ARHGAP23: variants seen among roughly 807,000 people sequenced by gnomAD.
The protein encoded by ARHGAP23 is rho GTPase-activating protein 23.
ARHGAP23 carries 34 observed loss-of-function variants against 136.3 expected under a neutral mutation model. The observed-to-expected ratio is 0.25, with a 90% CI of 0.19 to 0.33. The LOEUF (loss-of-function observed/expected upper bound fraction) is 0.33, where lower values mean the gene tolerates loss of function less well. ARHGAP23 is among the 10% of genes least tolerant of loss of function. The pLI, the probability that ARHGAP23 is intolerant of heterozygous loss-of-function variation, is 1.00. For missense variants in ARHGAP23, 1,808 were observed against 2,139.0 expected, an observed-to-expected ratio of 0.85 and a Z score of 3.05; for synonymous variants, 832 against 920.5, an observed-to-expected ratio of 0.90 and a Z score of 1.74.
chr17:38,455,503 G>GC (rs1567789087), intron 1 of ARHGAP23, among the ~76,000 whole-genome samples: 1 of 152,164 alleles, frequency 6.6e-6, no homozygotes, highest in South Asian at 2.1e-4. Flanking sequence ...CCAGGGAGCA[G>GC]CCCCCCCAGG....
At chr17:38,472,270 G>A (rs1007952970) in intron 11 of ARHGAP23, among the ~76,000 whole-genome samples, 40 of 152,156 alleles carry the variant, frequency 2.6e-4, no homozygotes, top group Admixed American at 8.5e-4. Context: ...CATCCCACAC[G>A]GGCCCTGGCT....
upstream of ARHGAP23, chr17:38,428,400 T>A (rs1597731576): frequency 3.6e-6 from 2 of 561,406 alleles, no homozygotes; most frequent in East Asian, 8.8e-5. Flanking sequence ...CACACCGCGC[T>A]CGGCCCCGCC....
chr17:38,435,648 G>A (rs1332797575), intron 1 of ARHGAP23, among the ~76,000 whole-genome samples: 3 of 152,226 alleles, frequency 2.0e-5, no homozygotes, highest in Non-Finnish European at 2.9e-5. Context: ...TGTCACCCAG[G>A]CTGGGGTGCA....
rs1339468500 is a variant in ARHGAP23, at chr17:38,510,914, C to A, written c.4418C>A (p.Ser1473Tyr). Reference protein sequence around the residue: ...SQPPAPGDTGSLQSQPPRRSA... With the variant: ...SQPPAPGDTGYLQSQPPRRSA... ...CCGCCCGCGCCCGGGGACACGGGGT[C>A]CCTGCAGAGCCAGCCCCCGCGCCGC... The change falls in exon 24 of 24, where the codon TCC becomes TAC. Residue 1473 changes from serine (S) to tyrosine (Y), a missense_variant. Coordinates refer to ENST00000622683, the MANE Select transcript of ARHGAP23 (RefSeq NM_001199417.2). The surrounding 1 kb of genome is among the most constrained non-coding windows in gnomAD (Gnocchi z 4.6). 1.3e-6 allele frequency: 2 copies of A among 1,484,308 alleles called. No individual in the cohort carries two copies. 91.9% of individuals were successfully genotyped at this position (1,484,308 alleles called of 1,614,324 possible). A position where few individuals can be genotyped will look rare whatever the true frequency, so the allele number is the denominator to read the frequency against.
Position 38,510,754 on chromosome 17 carries a change from A to G in ARHGAP23, c.4258A>G (p.Asn1420Asp). Residue 1420 changes from asparagine (N) to aspartate (D), a missense_variant, in exon 24 of 24, where the codon AAC becomes GAC. Physicochemically the swap from Asn to Asp is conservative, Grantham distance 23 (BLOSUM62 1). This residue lies in a region of ARHGAP23 where 506 missense variants were observed against 455.8 expected (regional missense o/e 1.11). Transcript: ENST00000622683. This position sits in a 1 kb window ranked among gnomAD's most constrained non-coding sequence, Gnocchi z 4.6. ...VQSPLTDLNF[N>D]EWKELGGGGP... ...GAGCCCGCTGACTGACCTCAACTTCAACGAGTGGAAGGAGCTGGGCGGAGG... is the reference window on the plus strand; with the variant it reads ...GAGCCCGCTGACTGACCTCAACTTCGACGAGTGGAAGGAGCTGGGCGGAGG... 6.7e-7 allele frequency: 1 copy of G among 1,485,822 alleles called. No homozygotes were observed. Among genetic ancestry groups the G allele is most frequent in the Non-Finnish European group, 8.9e-7 (1 of 1,120,906 alleles). The allele number at this position is 1,485,822 out of a possible 1,614,324, so 92.0% of individuals were successfully genotyped here. A position where few individuals can be genotyped will look rare whatever the true frequency, so the allele number is the denominator to read the frequency against.
At chr17:38,439,891 G>T (rs959629021) in intron 1 of ARHGAP23, among the ~76,000 whole-genome samples, 1 of 148,872 alleles carries the variant, frequency 6.7e-6, no homozygotes, top group Non-Finnish European at 1.5e-5. Context: ...TCTCCTGCCC[G>T]GCTAATTTTT....
chr17:38,428,383 G>GCCCC (rs555328370), upstream of ARHGAP23: 386 of 377,994 alleles, frequency 1.0e-3, 1 homozygote, highest in African/African-American at 7.4e-3. Context: ...CCCGGGGGGG[G>GCCCC]CCCCCCCACA....
At chr17:38,492,721 A>G (rs1466354433) in intron 20 of ARHGAP23, among the ~76,000 whole-genome samples, 1 of 152,196 alleles carries the variant, frequency 6.6e-6, no homozygotes, top group African/African-American at 2.4e-5. Context: ...TCCGAGCCAC[A>G]GGAGGGAAGA....
intron 5 of ARHGAP23, 41 bp from the exon 6 acceptor site, chr17:38,463,287 C>T (rs1309726628): frequency 9.7e-6 from 15 of 1,551,606 alleles, no homozygotes; most frequent in Non-Finnish European, 1.3e-5. Context: ...CTCCTGGACC[C>T]TGTTCCTTGA....
chr17:38,481,453 C>T (rs1051342297), intron 14 of ARHGAP23, among the ~76,000 whole-genome samples: 4 of 152,184 alleles, frequency 2.6e-5, no homozygotes, highest in African/African-American at 7.2e-5. Context: ...GGCCCACGCC[C>T]GGCTAATTTT....
Position 38,491,545 on chromosome 17 carries a change from T to A in ARHGAP23, c.3276+13T>A. ...ACTGATCCAGCACGTAAGCCCCTGT[T>A]CCGGGGGGCGCCCGGCAGCCCCTGG... On this transcript the variant is annotated intron_variant, in intron 20 of 23. Coordinates refer to ENST00000622683, the MANE Select transcript of ARHGAP23 (RefSeq NM_001199417.2). 6.5e-7 allele frequency: 1 copy of A among 1,549,378 alleles called. No individual in the cohort carries two copies.
At chr17:38,420,959 A>G (rs1252358466) in intron 1 of ARHGAP23, among the ~76,000 whole-genome samples, 2 of 152,108 alleles carry the variant, frequency 1.3e-5, no homozygotes, top group Non-Finnish European at 2.9e-5. Flanking sequence ...AGGGGCCACT[A>G]CTGCTTCCTG....
At chr17:38,423,334 A>G (rs2038537809) in intron 1 of ARHGAP23, among the ~76,000 whole-genome samples, 1 of 151,344 alleles carries the variant, frequency 6.6e-6, no homozygotes, top group Admixed American at 6.6e-5. Flanking sequence ...CTGAGACTAC[A>G]GGCACGTGCC....
intron 1 of ARHGAP23, among the ~76,000 whole-genome samples, chr17:38,445,543 G>A (rs991732132): frequency 1.3e-5 from 2 of 151,786 alleles, no homozygotes; most frequent in African/African-American, 2.4e-5. Flanking sequence ...ACTGTAAAGT[G>A]GCATTAAGTA....
chr17:38,437,816 A>G (rs1223140525), intron 1 of ARHGAP23, among the ~76,000 whole-genome samples: 1 of 151,626 alleles, frequency 6.6e-6, no homozygotes, highest in African/African-American at 2.4e-5. Flanking sequence ...GGCAGATGTA[A>G]TGGGTGGTGG....
intron 16 of ARHGAP23, among the ~76,000 whole-genome samples, chr17:38,485,528 AC>A (rs1373435794): frequency 9.2e-5 from 14 of 152,202 alleles, no homozygotes; most frequent in Admixed American, 9.2e-4. Flanking sequence ...CAGGAAGGAA[AC>A]AAAGTCAGGG....
chr17:38,428,921 C>A (rs1254386861), intron 1 of ARHGAP23, among the ~76,000 whole-genome samples: 1 of 152,080 alleles, frequency 6.6e-6, no homozygotes, highest in African/African-American at 2.4e-5. Flanking sequence ...GTTTCCTCTG[C>A]CCGAGTTTTC....
chr17:38,466,291 C>T lies in ARHGAP23; in HGVS notation c.608C>T (p.Thr203Ile). ...TACGCCCCTCCTGCCCGGGCCTCCA[C>T]CAGGGCCACTATGGTGCCTGAGCCC... ...KTYAPPARAS[T>I]RATMVPEPTS... The change falls in exon 7 of 24, where the codon ACC becomes ATC. Residue 203 changes from threonine to isoleucine, a missense_variant. Thr to Ile is a moderately conservative substitution (Grantham distance 89). Around this residue, in one of 7 missense-constraint regions of ARHGAP23, gnomAD observed 859 missense variants for 936.4 expected, o/e 0.92. Coordinates refer to ENST00000622683, the MANE Select transcript of ARHGAP23 (RefSeq NM_001199417.2). 1 of 1,547,764 alleles carries T rather than the reference C, an allele frequency of 6.5e-7. No individual in the cohort carries two copies. The highest frequency in any genetic ancestry group is 8.7e-7 in the Non-Finnish European group (1 of 1,146,782).
In ARHGAP23 at chr17:38,473,174, G is replaced by A. The variant is rs564019724; in HGVS notation, c.2118+1168G>A. ...TCACCATGTTGGTCAGGCTGGTCTC[G>A]AACTCCTGACCTCAAATTATGTGTC... is the stretch of plus-strand genomic sequence containing the variant. On this transcript the variant is annotated intron_variant, in intron 11 of 23. Coordinates refer to ENST00000622683, the MANE Select transcript of ARHGAP23 (RefSeq NM_001199417.2). Among the ~76,000 whole-genome samples, 4 of 147,646 alleles carry A rather than the reference G, an allele frequency of 2.7e-5. No homozygotes were observed. The Middle Eastern group carries it at 0.011, about 390-fold the overall frequency.
Sources: gnomAD v4.1 joint callset for allele counts (sites outside exome capture counted in the v4.1 genomes callset) on GRCh38, gnomAD v4.1.1 for gene constraint, gnomAD v4.1.1 regional missense constraint, Gnocchi (gnomAD v3.1) non-coding constraint, MANE v1.5 for transcripts, NCBI Gene and HGNC (gene_info 2026-07-23, HGNC 2026-07-21) for gene names.